Variants in TSHR observed in about 807,000 individuals in gnomAD.
TSHR encodes thyroid stimulating hormone receptor, also known as thyrotropin receptor.
Under a neutral mutation model 64.1 loss-of-function variants are expected in TSHR, and 51 were observed. That is an observed-to-expected ratio of 0.80 (90% CI 0.64 to 1.01). TSHR has a LOEUF of 1.01. Among genes scored for constraint, TSHR ranks in the 50% least tolerant of loss-of-function variants. The probability of loss-of-function intolerance (pLI) is 0.00; values close to 1 mark genes in which losing one functional copy is unlikely to be tolerated. For missense variants in TSHR, 877 were observed against 942.8 expected (o/e 0.93, Z 0.91); for synonymous variants, 361 against 361.9 (o/e 1.00, Z 0.03).
chr14:81,046,621 G>T (rs1396719672), intron 1 of TSHR, among the ~76,000 whole-genome samples: 1 of 151,542 alleles, frequency 6.6e-6, no homozygotes, highest in East Asian at 1.9e-4. Context: ...AAATGAGAGA[G>T]AAAAAAACAT....
At chr14:81,089,268 A>C (rs549689008) in intron 4 of TSHR, among the ~76,000 whole-genome samples, 1 of 152,174 alleles carries the variant, frequency 6.6e-6, no homozygotes, top group Non-Finnish European at 1.5e-5. Flanking sequence ...GACTACAGGC[A>C]TGAGCCACTG....
chr14:80,994,907 A>G (rs987931443), intron 1 of TSHR: 1 of 151,884 alleles, frequency 6.6e-6, no homozygotes, highest in East Asian at 1.9e-4. Flanking sequence ...ATGTGCTTCA[A>G]TTTACTTTGT....
At position 81,055,475 on chromosome 14, in the gene TSHR, C is replaced by A. The variant is rs115189121; in HGVS notation, c.171-6673C>A. Among the ~76,000 whole-genome samples, 1,269 of 152,220 alleles carry A rather than the reference C, an allele frequency of 8.3e-3. 21 individuals are homozygous for A. The highest frequency in any genetic ancestry group is 0.028 in the African/African-American group (1,179 of 41,528). ...ACCCCGGAATGGTAGATCCACAGAC[C>A]ACTTGCACCATGCACCTGGAAAATC... On this transcript the variant is annotated intron_variant, in intron 1 of 9. Transcript: ENST00000298171.
At chr14:81,112,628 A>C (rs1890274152) in intron 8 of TSHR, among the ~76,000 whole-genome samples, 1 of 152,176 alleles carries the variant, frequency 6.6e-6, no homozygotes, top group African/African-American at 2.4e-5. Flanking sequence ...AATGTACAAT[A>C]AGCATTTACT....
intron 3 of TSHR, among the ~76,000 whole-genome samples, chr14:81,073,934 C>T (rs377009723): frequency 2.0e-5 from 3 of 152,118 alleles, no homozygotes; most frequent in African/African-American, 7.2e-5. Flanking sequence ...TGCTTCTTTG[C>T]CCCTTCACCA....
At chr14:81,129,517 C>A (rs1369554223) in intron 8 of TSHR, among the ~76,000 whole-genome samples, 2 of 152,178 alleles carry the variant, frequency 1.3e-5, no homozygotes, top group Non-Finnish European at 2.9e-5. Flanking sequence ...CACCTTAAAT[C>A]ATTCACCCCA....
intron 1 of TSHR, among the ~76,000 whole-genome samples, chr14:80,965,475 C>G (rs898849767): frequency 1.3e-5 from 2 of 152,176 alleles, no homozygotes; most frequent in African/African-American, 4.8e-5. Context: ...CAGAAGTTCA[C>G]TGAATGTTGC....
At chr14:81,114,269 A>G (rs368326947) in intron 8 of TSHR, among the ~76,000 whole-genome samples, 3 of 152,256 alleles carry the variant, frequency 2.0e-5, no homozygotes, top group Admixed American at 1.3e-4. Flanking sequence ...CTGAGGTACC[A>G]GGTTCATCTC....
intron 8 of TSHR, among the ~76,000 whole-genome samples, chr14:81,117,497 T>C (rs1890573343): frequency 7.8e-6 from 1 of 128,946 alleles, no homozygotes; most frequent in African/African-American, 3.4e-5. Flanking sequence ...AAGTTGAATC[T>C]CTGAATAGAC....
intron 7 of TSHR, among the ~76,000 whole-genome samples, chr14:81,098,272 C>A (rs1566812677): frequency 6.6e-6 from 1 of 152,156 alleles, no homozygotes; most frequent in Non-Finnish European, 1.5e-5. Flanking sequence ...TAACTGAAGC[C>A]TAAATATCGA....
chr14:81,015,038 A>C (rs1890114375), intron 1 of TSHR, among the ~76,000 whole-genome samples: 1 of 152,174 alleles, frequency 6.6e-6, no homozygotes, highest in African/African-American at 2.4e-5. Context: ...TGGTGTGAAT[A>C]CAGAAATGGT....
intron 4 of TSHR, 22 bp from the exon 5 acceptor site, chr14:81,091,047 T>TC (rs1888692897): frequency 1.3e-6 from 2 of 1,596,488 alleles, no homozygotes; most frequent in Admixed American, 1.7e-5. Flanking sequence ...TGCTTTTTTT[T>TC]CTCTTTTTTT....
At chr14:81,062,601 G>C (rs1566787678) in intron 2 of TSHR, among the ~76,000 whole-genome samples, 1 of 152,010 alleles carries the variant, frequency 6.6e-6, no homozygotes, top group Non-Finnish European at 1.5e-5. Flanking sequence ...ACCAAGTCTT[G>C]AATCACCTTT....
intron 1 of TSHR, chr14:81,001,482 A>G: frequency 1.9e-6 from 1 of 513,412 alleles, no homozygotes. Context: ...ATCTACATCT[A>G]CACCCTTAAG....
chr14:80,985,659 T>A (rs1465147398), intron 1 of TSHR, among the ~76,000 whole-genome samples: 2 of 152,190 alleles, frequency 1.3e-5, no homozygotes, highest in African/African-American at 2.4e-5. Flanking sequence ...TGTGAAAATA[T>A]GGGGTAATAT....
intron 8 of TSHR, among the ~76,000 whole-genome samples, chr14:81,129,758 C>T (rs1390614501): frequency 6.6e-6 from 1 of 152,172 alleles, no homozygotes; most frequent in Non-Finnish European, 1.5e-5. Flanking sequence ...TGTCTATGCC[C>T]ACATCCTTTC....
In TSHR at chr14:80,955,788, C is replaced by T. The variant is rs767158566; in HGVS notation, c.108C>T (p.Asp36=). The change falls in exon 1 of 10, where the codon GAC becomes GAT. Residue 36 remains aspartate, a synonymous_variant. Coordinates refer to ENST00000298171, the MANE Select transcript of TSHR (RefSeq NM_000369.5). ...SPPCECHQEE[D]FRVTCKDIQR... ...CCTGCGAGTGCCATCAGGAGGAGGA[C>T]TTCAGAGTCACCTGCAAGGATATTC... 3 of 1,614,210 alleles carry T rather than the reference C, an allele frequency of 1.9e-6. No homozygotes were observed. Among genetic ancestry groups the T allele is most frequent in the Non-Finnish European group, 2.5e-6 (3 of 1,180,044 alleles).
chr14:80,967,620 C>T (rs1395746270), intron 1 of TSHR, among the ~76,000 whole-genome samples: 1 of 152,130 alleles, frequency 6.6e-6, no homozygotes, highest in Non-Finnish European at 1.5e-5. Context: ...ATCACCCTAG[C>T]TACTATGTTT....
In TSHR at chr14:81,144,419, C is replaced by T. The variant is rs1891852663; in HGVS notation, c.*66C>T. 4 of 1,526,560 alleles carry T rather than the reference C, an allele frequency of 2.6e-6. No individual in the cohort carries two copies. The highest frequency in any genetic ancestry group is 3.6e-6 in the Non-Finnish European group (4 of 1,107,954). 94.6% of individuals were successfully genotyped at this position (1,526,560 alleles called of 1,614,324 possible). On this transcript the variant is annotated 3_prime_UTR_variant, in exon 10 of 10. Transcript: ENST00000298171. ...AATAATAGTTTCTTGAATATGCATT[C>T]CAATCCCATGACACCCCCAACACAT...
Sources: allele counts gnomAD v4.1 joint callset (sites outside exome capture counted in the v4.1 genomes callset), GRCh38; gene constraint gnomAD v4.1.1; transcripts MANE v1.5; gene names NCBI Gene and HGNC (gene_info 2026-07-23, HGNC 2026-07-21).